PCDH11X: variants seen among roughly 807,000 people sequenced by gnomAD.
The protein encoded by PCDH11X is protocadherin 11 X-linked.
Under a neutral mutation model 53.3 loss-of-function variants are expected in PCDH11X, and 18 were observed. The ratio of observed to expected loss-of-function variants is 0.34; its 90% CI spans 0.23 to 0.50. The LOEUF is 0.50. Among genes scored for constraint, PCDH11X ranks in the 20% least tolerant of loss-of-function variants. The pLI is 0.98. For synonymous variants in PCDH11X, 279 were observed against 393.3 expected, an observed-to-expected ratio of 0.71 and a Z score of 3.44; for missense variants, 570 against 1,032.4, an observed-to-expected ratio of 0.55 and a Z score of 6.14.
intron 7 of PCDH11X, among the ~76,000 whole-genome samples, chrX:92,256,155 G>A (rs771492035): frequency 6.2e-5 from 7 of 112,155 alleles, no homozygotes; most frequent in East Asian, 5.7e-4. Flanking sequence ...TTTTAAGCTC[G>A]TCGGAAAAGC....
At chrX:92,031,346 A>G (rs2063046708) in intron 6 of PCDH11X, among the ~76,000 whole-genome samples, 1 of 104,255 alleles carries the variant, frequency 9.6e-6, no homozygotes, top group Non-Finnish European at 1.9e-5. Flanking sequence ...TTTTTCCTAC[A>G]GAGTTGTTTA....
At chrX:92,265,397 A>G (rs2067807892) in intron 8 of PCDH11X, among the ~76,000 whole-genome samples, 1 of 110,746 alleles carries the variant, frequency 9.0e-6, no homozygotes, top group Non-Finnish European at 1.9e-5. Flanking sequence ...GCCCGTGGGA[A>G]GGCGAAAATC....
intron 8 of PCDH11X, chrX:92,287,904 G>A: frequency 2.0e-6 from 1 of 508,347 alleles, no homozygotes. Context: ...ACGAGATCTG[G>A]TTGTCTGAAA....
In PCDH11X at chrX:92,593,744, C is replaced by T. The variant is rs1483032498; in HGVS notation, c.3368-24520C>T. On this transcript the variant is annotated intron_variant, in intron 10 of 10. Transcript: ENST00000682573. ...GTAGGTTAAACATTAAAATAAAGTA[C>T]ACTAATGCTGGGCAAGAATCTGTGC... is the stretch of plus-strand genomic sequence containing the variant. Among the ~76,000 whole-genome samples, 3 of 110,954 alleles carry T rather than the reference C, an allele frequency of 2.7e-5. No homozygotes were observed. In the East Asian group the frequency reaches 8.5e-4, roughly 32 times the overall value.
intron 10 of PCDH11X, among the ~76,000 whole-genome samples, chrX:92,552,229 C>CA (rs1166988204): frequency 1.1e-5 from 1 of 87,453 alleles, no homozygotes; most frequent in Non-Finnish European, 2.4e-5. Context: ...TTTTTTTCAT[C>CA]AGTGTTTTAT....
intron 9 of PCDH11X, among the ~76,000 whole-genome samples, chrX:92,432,909 A>T (rs1440588988): frequency 9.0e-6 from 1 of 110,868 alleles, no homozygotes; most frequent in Non-Finnish European, 1.9e-5. Context: ...ATTAAAACTT[A>T]TTTGTGAGCT....
intron 7 of PCDH11X, among the ~76,000 whole-genome samples, chrX:92,217,314 T>C (rs1266090302): frequency 2.7e-4 from 30 of 109,465 alleles, no homozygotes; most frequent in African/African-American, 9.3e-4. Flanking sequence ...ACCCATCTCA[T>C]GTGCAGAGAC....
chrX:92,201,244 T>C (rs1284654683), intron 6 of PCDH11X, 131 bp from the exon 7 acceptor site: 3 of 884,640 alleles, frequency 3.4e-6, no homozygotes, highest in Non-Finnish European at 4.6e-6. Context: ...AAATAAACTA[T>C]GATGTCTAAA....
At chrX:92,155,715 C>G (rs1307403715) in intron 6 of PCDH11X, among the ~76,000 whole-genome samples, 1 of 107,574 alleles carries the variant, frequency 9.3e-6, no homozygotes, top group Non-Finnish European at 1.9e-5. Context: ...CAAGCTCCAC[C>G]TCTCGGGTTC....
intron 8 of PCDH11X, among the ~76,000 whole-genome samples, chrX:92,302,476 G>C (rs1004558345): frequency 9.0e-6 from 1 of 110,853 alleles, no homozygotes; most frequent in Admixed American, 9.7e-5. Flanking sequence ...TACCAGTTTT[G>C]CAAGGGATTA....
At chrX:91,827,747 A>G (rs1244181024) in intron 4 of PCDH11X, among the ~76,000 whole-genome samples, 1 of 111,451 alleles carries the variant, frequency 9.0e-6, no homozygotes, top group Non-Finnish European at 1.9e-5. Context: ...TTTGTGGATG[A>G]TCACGTGGTT....
chrX:92,385,908 T>C (rs975760085), intron 8 of PCDH11X, among the ~76,000 whole-genome samples: 30 of 111,417 alleles, frequency 2.7e-4, no homozygotes, highest in African/African-American at 9.1e-4. Flanking sequence ...GCTTTTCTTT[T>C]ATTCAGTTTA....
At chrX:92,048,071 T>C (rs1463392171) in intron 6 of PCDH11X, among the ~76,000 whole-genome samples, 1 of 111,158 alleles carries the variant, frequency 9.0e-6, no homozygotes, top group African/African-American at 3.3e-5. Context: ...AAGTACTTAG[T>C]AATATACCAT....
At chrX:92,481,895 G>T (rs1229629967) in intron 10 of PCDH11X, among the ~76,000 whole-genome samples, 1 of 100,738 alleles carries the variant, frequency 9.9e-6, no homozygotes, top group Non-Finnish European at 2.0e-5. Flanking sequence ...ATTGCTCCTT[G>T]CCAGTTCAAC....
Position 92,621,894 on chromosome X carries a change from G to T in PCDH11X, c.*2954G>T, listed in dbSNP as rs1196508020. The stretch of plus-strand genomic sequence containing the variant: ...TCAATCAAAGTAGTTATTCTATTTT[G>T]TGTCCATATTCCATTAGATTGTGAT... On this transcript the variant is annotated 3_prime_UTR_variant, in exon 11 of 11. Coordinates refer to ENST00000682573, the MANE Select transcript of PCDH11X (RefSeq NM_032968.5). The T allele has an allele frequency of 9.1e-6, 1 of 109,747 alleles. No individual in the cohort carries two copies. Among genetic ancestry groups the T allele is most frequent in the Non-Finnish European group, 1.9e-5 (1 of 52,772 alleles). The allele number at this position is 109,747 out of a possible 1,213,427, so 9.0% of individuals were successfully genotyped here.
chrX:92,107,460 G>C (rs981631695), intron 6 of PCDH11X, among the ~76,000 whole-genome samples: 1 of 112,403 alleles, frequency 8.9e-6, no homozygotes, highest in African/African-American at 3.2e-5. Flanking sequence ...CAAGAGGCTG[G>C]GTGTGGTGGC....
intron 10 of PCDH11X, among the ~76,000 whole-genome samples, chrX:92,582,476 C>G (rs1193134527): frequency 9.2e-6 from 1 of 109,088 alleles, no homozygotes; most frequent in East Asian, 2.9e-4. Context: ...GCACAGAAGT[C>G]AAGAATTGAG....
chrX:92,516,541 C>T (rs34118977), intron 10 of PCDH11X, among the ~76,000 whole-genome samples: 105 of 111,828 alleles, frequency 9.4e-4, no homozygotes, highest in African/African-American at 2.7e-3. Flanking sequence ...TAATATACAA[C>T]GCTGAGACTA....
At chrX:92,132,340 T>A (rs1603013410) in intron 6 of PCDH11X, among the ~76,000 whole-genome samples, 1 of 76,551 alleles carries the variant, frequency 1.3e-5, no homozygotes. Flanking sequence ...GCGCAGTGGC[T>A]CACGACGCTT....
Sources: gnomAD v4.1 joint callset for allele counts (sites outside exome capture counted in the v4.1 genomes callset) on GRCh38, gnomAD v4.1.1 for gene constraint, MANE v1.5 for transcripts, NCBI Gene and HGNC (gene_info 2026-07-23, HGNC 2026-07-21) for gene names.